PTK2B: variants seen among roughly 807,000 people sequenced by gnomAD.
The protein encoded by PTK2B is protein-tyrosine kinase 2-beta.
PTK2B carries 71 observed loss-of-function variants against 142.9 expected under a neutral mutation model. That is an observed-to-expected ratio of 0.50 (90% CI 0.41 to 0.61). PTK2B has a LOEUF of 0.61. PTK2B is among the 20% of genes least tolerant of loss of function. The probability of loss-of-function intolerance (pLI) is 0.00; values close to 1 mark genes in which losing one functional copy is unlikely to be tolerated. For missense variants in PTK2B, 1,105 were observed against 1,320.4 expected (o/e 0.84, Z 2.53); for synonymous variants, 519 against 503.4 (o/e 1.03, Z -0.42).
intron 2 of PTK2B, among the ~76,000 whole-genome samples, chr8:27,406,140 C>G (rs1003799839): frequency 3.3e-5 from 5 of 152,216 alleles, no homozygotes; most frequent in Non-Finnish European, 7.3e-5. Context: ...TACTTCACTC[C>G]AACTTCTGCT....
At chr8:27,344,508 C>G (rs538444282) in intron 1 of PTK2B, among the ~76,000 whole-genome samples, 2 of 152,340 alleles carry the variant, frequency 1.3e-5, no homozygotes, top group Admixed American at 1.3e-4. Context: ...GTATATAAAG[C>G]ACTTAGCATT....
intron 1 of PTK2B, among the ~76,000 whole-genome samples, chr8:27,342,661 C>T (rs1337836471): frequency 1.3e-5 from 2 of 152,224 alleles, no homozygotes; most frequent in Non-Finnish European, 2.9e-5. Context: ...CCATGTGCTT[C>T]TCCCAGCACC....
Position 27,430,924 on chromosome 8 carries a change from T to C in PTK2B, c.718T>C (p.Ser240Pro), listed in dbSNP as rs774581359. The change falls in exon 8 of 31, where the codon TCG becomes CCG. Residue 240 changes from serine to proline, a missense_variant. Physicochemically the swap from Ser to Pro is moderately conservative, Grantham distance 74 (BLOSUM62 -1). Coordinates refer to ENST00000346049, the MANE Select transcript of PTK2B (RefSeq NM_173176.3). The part of the protein sequence containing the change: ...MIQQTFQQYA[S>P]LREEECVMKF... ...CCAGCAGACCTTCCAGCAGTACGCC[T>C]CGCTCAGGGAGGAGGAGTGCGTCAT... 1 of 1,614,186 alleles carries C rather than the reference T, an allele frequency of 6.2e-7. No individual in the cohort carries two copies. Among genetic ancestry groups the C allele is most frequent in the South Asian group, 1.1e-5 (1 of 91,084 alleles).
Position 27,453,106 on chromosome 8 carries a change from T to TA in PTK2B, c.2549-7dup. 6.2e-7 allele frequency: 1 copy of TA among 1,613,906 alleles called. No individual in the cohort carries two copies. The highest frequency in any genetic ancestry group is 8.5e-7 in the Non-Finnish European group (1 of 1,179,962). ...ACTGCCCCCCACTTGCTGTTCTTTT[T>TA]ATTGCAGTGGAGTTCACAGGGCCCC... On this transcript the variant is annotated splice_polypyrimidine_tract_variant and splice_region_variant and intron_variant, in intron 27 of 30. Transcript: ENST00000346049.
intron 1 of PTK2B, among the ~76,000 whole-genome samples, chr8:27,374,605 T>C (rs1237266793): frequency 6.6e-6 from 1 of 152,194 alleles, no homozygotes; most frequent in Non-Finnish European, 1.5e-5. Context: ...AGTTACCTGG[T>C]ACCTACTCTG....
intron 1 of PTK2B, among the ~76,000 whole-genome samples, chr8:27,385,012 A>G (rs1395763487): frequency 6.6e-6 from 1 of 152,174 alleles, no homozygotes; most frequent in Non-Finnish European, 1.5e-5. Context: ...GCATAGCGGT[A>G]AAGAGCCCAC....
At chr8:27,365,308 C>A (rs1381324866) in intron 1 of PTK2B, among the ~76,000 whole-genome samples, 1 of 152,216 alleles carries the variant, frequency 6.6e-6, no homozygotes, top group Non-Finnish European at 1.5e-5. Flanking sequence ...GTCTGCCAAC[C>A]TGGTGGGTAC....
At chr8:27,397,447 T>G in intron 1 of PTK2B, 101 bp from the exon 2 acceptor site, 1 of 867,814 alleles carries the variant, frequency 1.2e-6, no homozygotes, top group Non-Finnish European at 1.8e-6. Flanking sequence ...TATATAGCAT[T>G]TGTGTCTGTC....
At chr8:27,446,824 T>G (rs1811502944) in intron 24 of PTK2B, among the ~76,000 whole-genome samples, 1 of 152,230 alleles carries the variant, frequency 6.6e-6, no homozygotes, top group Non-Finnish European at 1.5e-5. Context: ...TTATGCTTAA[T>G]TTAGTAGAAT....
chr8:27,373,726 ACT>A (rs771483798), intron 1 of PTK2B, among the ~76,000 whole-genome samples: 3 of 151,196 alleles, frequency 2.0e-5, no homozygotes, highest in Non-Finnish European at 2.9e-5. Context: ...TCACATTAAA[ACT>A]CTCATGAAAA....
intron 1 of PTK2B, among the ~76,000 whole-genome samples, chr8:27,384,706 G>A (rs1807232960): frequency 6.6e-6 from 1 of 152,298 alleles, no homozygotes; most frequent in Admixed American, 6.5e-5. Context: ...CACCTGAGAT[G>A]TTATGGAGAA....
intron 1 of PTK2B, among the ~76,000 whole-genome samples, chr8:27,383,216 T>C (rs1807134998): frequency 6.6e-6 from 1 of 152,142 alleles, no homozygotes; most frequent in African/African-American, 2.4e-5. Context: ...ATTTTGTGTG[T>C]GTGTCCTCTT....
At chr8:27,424,798 C>T (rs1809975255) in intron 5 of PTK2B, among the ~76,000 whole-genome samples, 1 of 152,104 alleles carries the variant, frequency 6.6e-6, no homozygotes, top group African/African-American at 2.4e-5. Flanking sequence ...ACCTACAAAT[C>T]ATGGGCAATA....
chr8:27,441,697 A>T (rs899228826), intron 21 of PTK2B, among the ~76,000 whole-genome samples: 1 of 152,178 alleles, frequency 6.6e-6, no homozygotes, highest in Non-Finnish European at 1.5e-5. Context: ...CCTCCCAGTT[A>T]ATTCTAGACT....
In PTK2B at chr8:27,443,135, C is replaced by T. The variant is rs1333491569; in HGVS notation, c.2148+152C>T. The T allele has an allele frequency of 4.9e-6, 3 of 608,828 alleles. No homozygotes were observed. In the African/African-American group the frequency reaches 5.6e-5, roughly 11 times the overall value. 37.7% of individuals were successfully genotyped at this position (608,828 alleles called of 1,614,324 possible). The stretch of plus-strand genomic sequence containing the variant: ...ATCCACCATCACTGTCAGCGTGTCA[C>T]ATCAGTGCCCTGGCAGGTGGACTTG... On this transcript the variant is annotated intron_variant, in intron 22 of 30. Coordinates refer to ENST00000346049, the MANE Select transcript of PTK2B (RefSeq NM_173176.3).
intron 2 of PTK2B, among the ~76,000 whole-genome samples, chr8:27,414,452 T>G (rs1474076451): frequency 1.3e-5 from 2 of 152,158 alleles, no homozygotes; most frequent in Non-Finnish European, 2.9e-5. Flanking sequence ...TTCACCATGT[T>G]AATCAGGATG....
chr8:27,422,173 T>G, intron 4 of PTK2B, 131 bp from the exon 5 acceptor site: 21 of 796,372 alleles, frequency 2.6e-5, no homozygotes, highest in Non-Finnish European at 3.7e-5. Context: ...CCCTGCTCCA[T>G]GCTTGTTTGT....
intron 1 of PTK2B, among the ~76,000 whole-genome samples, chr8:27,371,341 G>A (rs1045401858): frequency 6.6e-6 from 1 of 152,150 alleles, no homozygotes; most frequent in Non-Finnish European, 1.5e-5. Context: ...CAAGGTCGGC[G>A]GCTGGAGGTG....
intron 1 of PTK2B, among the ~76,000 whole-genome samples, chr8:27,357,391 T>A (rs554826767): frequency 1.3e-5 from 2 of 152,344 alleles, no homozygotes; most frequent in Admixed American, 1.3e-4. Context: ...GGTCCTCACA[T>A]CATTTCCAGG....
Sources: gnomAD v4.1 joint callset for allele counts (sites outside exome capture counted in the v4.1 genomes callset) on GRCh38, gnomAD v4.1.1 for gene constraint, MANE v1.5 for transcripts, NCBI Gene and HGNC (gene_info 2026-07-23, HGNC 2026-07-21) for gene names.